TENM1: variants seen among roughly 807,000 people sequenced by gnomAD.
TENM1 encodes teneurin transmembrane protein 1.
Under a neutral mutation model 174.8 loss-of-function variants are expected in TENM1, and 35 were observed. The ratio of observed to expected loss-of-function variants is 0.20; its 90% CI spans 0.15 to 0.27. The LOEUF is 0.27. Ranked by LOEUF, TENM1 falls within the 10% of genes least tolerant of loss-of-function variation. The pLI, the probability that TENM1 is intolerant of heterozygous loss-of-function variation, is 1.00. For missense variants in TENM1, 1,633 were observed against 2,130.1 expected, an observed-to-expected ratio of 0.77 and a Z score of 4.59; for synonymous variants, 781 against 798.7, an observed-to-expected ratio of 0.98 and a Z score of 0.37.
At chrX:125,106,441 G>A in the TENM1 span, among the ~76,000 whole-genome samples, 137 of 102,970 alleles carry the variant, frequency 1.3e-3, 1 homozygote, top group Non-Finnish European at 2.4e-3. Flanking sequence ...ATGGAGTCTC[G>A]CTCTGCCGCC....
At chrX:124,519,409 CTCTCTT>C (rs1239034490) in intron 18 of TENM1, among the ~76,000 whole-genome samples, 1 of 111,116 alleles carries the variant, frequency 9.0e-6, no homozygotes, top group Non-Finnish European at 1.9e-5. Context: ...CTCTCTCTCT[CTCTCTT>C]TCTCTTTCCC....
intron 22 of TENM1, among the ~76,000 whole-genome samples, chrX:124,470,002 G>A (rs1042426741): frequency 1.8e-5 from 2 of 111,416 alleles, no homozygotes; most frequent in Non-Finnish European, 3.8e-5. Flanking sequence ...GGTTTATATT[G>A]AGAGCTGCTG....
chrX:125,180,728 C>T, the TENM1 span, among the ~76,000 whole-genome samples: 7 of 110,427 alleles, frequency 6.3e-5, no homozygotes, highest in East Asian at 2.0e-3. Flanking sequence ...CCATCTATAT[C>T]TGTCTCCAGC....
chrX:124,587,823 G>GT (rs2049584487), intron 11 of TENM1, among the ~76,000 whole-genome samples: 1 of 111,233 alleles, frequency 9.0e-6, no homozygotes, highest in Non-Finnish European at 1.9e-5. Context: ...AATCTACAAA[G>GT]AACTCAAACA....
chrX:124,793,466 C>T (rs1314367457), intron 3 of TENM1, among the ~76,000 whole-genome samples: 1 of 111,467 alleles, frequency 9.0e-6, no homozygotes, highest in Non-Finnish European at 1.9e-5. Context: ...CTCTGGTAGT[C>T]TTGGTAAAAG....
At chrX:124,584,290 G>C (rs1195679721) in intron 11 of TENM1, among the ~76,000 whole-genome samples, 1 of 109,657 alleles carries the variant, frequency 9.1e-6, no homozygotes, top group Non-Finnish European at 1.9e-5. Flanking sequence ...AGAGAGAAAG[G>C]TCGGGTTACC....
At chrX:124,681,681 G>C (rs1400216139) in intron 5 of TENM1, among the ~76,000 whole-genome samples, 1 of 111,451 alleles carries the variant, frequency 9.0e-6, no homozygotes, top group Admixed American at 9.6e-5. Context: ...TCTCAACTCT[G>C]CTGCTAACTA....
intron 3 of TENM1, among the ~76,000 whole-genome samples, chrX:124,751,805 T>C (rs949580482): frequency 2.7e-5 from 3 of 109,370 alleles, no homozygotes; most frequent in African/African-American, 1.0e-4. Context: ...TCCATGTCCC[T>C]ACAAAGGACA....
At chrX:124,916,801 T>C (rs1220907245) in intron 1 of TENM1, among the ~76,000 whole-genome samples, 1 of 109,797 alleles carries the variant, frequency 9.1e-6, no homozygotes, top group Non-Finnish European at 1.9e-5. Flanking sequence ...TCTCTCTCTC[T>C]CTTTCTACCT....
intron 3 of TENM1, among the ~76,000 whole-genome samples, chrX:124,873,441 A>G (rs1284552468): frequency 8.9e-6 from 1 of 112,232 alleles, no homozygotes; most frequent in African/African-American, 3.2e-5. Context: ...TCTATTAGTT[A>G]TAAAATGAAT....
intron 3 of TENM1, among the ~76,000 whole-genome samples, chrX:124,744,991 A>T (rs756777890): frequency 8.9e-6 from 1 of 112,018 alleles, no homozygotes; most frequent in Non-Finnish European, 1.9e-5. Context: ...TTTTCAAGCT[A>T]TCATATGTTA....
chrX:125,164,630 C>T, the TENM1 span, among the ~76,000 whole-genome samples: 3 of 112,209 alleles, frequency 2.7e-5, no homozygotes, highest in East Asian at 8.4e-4. Flanking sequence ...ACATAGTAGA[C>T]AGTTTATGAA....
intron 3 of TENM1, among the ~76,000 whole-genome samples, chrX:124,828,969 C>G (rs1165355423): frequency 8.9e-6 from 1 of 111,872 alleles, no homozygotes; most frequent in African/African-American, 3.3e-5. Flanking sequence ...TGGTAGAACT[C>G]ATTTTTTCAT....
chrX:124,503,468 T>C lies in TENM1; in HGVS notation c.3445+92A>G, dbSNP rs984551629. On this transcript the variant is annotated intron_variant, in intron 19 of 31. Coordinates refer to ENST00000422452, the Ensembl canonical transcript of TENM1. Reference sequence around the variant, plus strand: ...TCTAAGTAGTATTCTCACAAGTAATTTTTATCTTGTACTTTCCAAATTTTC... The same window carrying C: ...TCTAAGTAGTATTCTCACAAGTAATCTTTATCTTGTACTTTCCAAATTTTC... 34 of 850,097 alleles carry C rather than the reference T, an allele frequency of 4.0e-5. 1 individual carries two copies. The African/African-American group carries it at 5.1e-4, about 13-fold the overall frequency. The allele number at this position is 850,097 out of a possible 1,213,427, so 70.1% of individuals were successfully genotyped here.
At chrX:124,831,740 G>A (rs1353889731) in intron 3 of TENM1, among the ~76,000 whole-genome samples, 1 of 111,574 alleles carries the variant, frequency 9.0e-6, no homozygotes, top group African/African-American at 3.3e-5. Context: ...GGCATTTATT[G>A]CATTATTAAA....
At chrX:124,955,232 G>A (rs1038571064) in intron 1 of TENM1, among the ~76,000 whole-genome samples, 1 of 107,067 alleles carries the variant, frequency 9.3e-6, no homozygotes, top group African/African-American at 3.8e-5. Flanking sequence ...ATGCACATTG[G>A]CATCCCCCAA....
the TENM1 span, among the ~76,000 whole-genome samples, chrX:125,096,563 T>C: frequency 1.8e-5 from 2 of 111,949 alleles, no homozygotes; most frequent in African/African-American, 6.5e-5. Context: ...CTATTGCTTC[T>C]CAAAGTTATT....
At chrX:124,776,301 G>C (rs5956691) in intron 3 of TENM1, among the ~76,000 whole-genome samples, 31 of 111,700 alleles carry the variant, frequency 2.8e-4, no homozygotes, top group African/African-American at 1.0e-3. Context: ...GGTAATGTAA[G>C]TGGTAAACAT....
At chrX:124,491,475 A>G (rs12393597) in intron 20 of TENM1, among the ~76,000 whole-genome samples, 9,243 of 111,380 alleles carry the variant, frequency 0.083, 333 homozygotes, top group East Asian at 0.18. Flanking sequence ...ATGTATTTTT[A>G]AAGTCGCAGA....
Sources: gnomAD v4.1 joint callset for allele counts (sites outside exome capture counted in the v4.1 genomes callset) on GRCh38, gnomAD v4.1.1 for gene constraint, MANE v1.5 for transcripts, NCBI Gene and HGNC (gene_info 2026-07-23, HGNC 2026-07-21) for gene names.